Variants in USP32 observed in about 807,000 individuals in gnomAD.
The protein encoded by USP32 is ubiquitin carboxyl-terminal hydrolase 32.
Under a neutral mutation model 204.8 loss-of-function variants are expected in USP32, and 59 were observed. The observed-to-expected ratio is 0.29, with a 90% CI of 0.23 to 0.36. The LOEUF (loss-of-function observed/expected upper bound fraction) is 0.36, where lower values mean the gene tolerates loss of function less well. Ranked by LOEUF, USP32 falls within the 10% of genes least tolerant of loss-of-function variation. USP32 has a pLI of 1.00. For synonymous variants in USP32, 517 were observed against 678.4 expected, an observed-to-expected ratio of 0.76 and a Z score of 3.70; for missense variants, 1,160 against 1,946.4, an observed-to-expected ratio of 0.60 and a Z score of 7.60.
chr17:60,417,609 ACACC>A (rs2090072435), intron 1 of USP32, among the ~76,000 whole-genome samples: 1 of 150,716 alleles, frequency 6.6e-6, no homozygotes, highest in Non-Finnish European at 1.5e-5. Context: ...GCCTGCCACC[ACACC>A]CAGCTAATTT....
intron 1 of USP32, among the ~76,000 whole-genome samples, chr17:60,349,596 A>AAATATATATATATATATAT (rs1555618242): frequency 3.1e-5 from 2 of 65,178 alleles, no homozygotes; most frequent in Non-Finnish European, 5.0e-5. Context: ...AAAAAAAAAA[A>AAATATATATATATATATAT]ATATATATAT....
intron 9 of USP32, among the ~76,000 whole-genome samples, 154 bp from the exon 10 acceptor site, chr17:60,255,412 C>A (rs983757926): frequency 6.6e-6 from 1 of 151,654 alleles, no homozygotes; most frequent in African/African-American, 2.4e-5. Context: ...ATTCTCCTGC[C>A]TCAGTCTCCC....
intron 11 of USP32, among the ~76,000 whole-genome samples, chr17:60,246,848 T>C (rs769781914): frequency 8.5e-5 from 13 of 152,222 alleles, no homozygotes; most frequent in Admixed American, 2.0e-4. Flanking sequence ...TTGAGCAATG[T>C]CTATTCAGAT....
At chr17:60,300,441 A>G (rs1567838559) in intron 3 of USP32, among the ~76,000 whole-genome samples, 1 of 152,222 alleles carries the variant, frequency 6.6e-6, no homozygotes, top group South Asian at 2.1e-4. Flanking sequence ...GTGTCCTCTC[A>G]TTATAGCATT....
intron 1 of USP32, among the ~76,000 whole-genome samples, chr17:60,345,830 A>G (rs2088773581): frequency 6.6e-6 from 1 of 152,066 alleles, no homozygotes; most frequent in Admixed American, 6.6e-5. Context: ...AAAAAAACAA[A>G]AATTAGCTGG....
At chr17:60,291,535 G>GTC (rs2087275382) in intron 4 of USP32, among the ~76,000 whole-genome samples, 1 of 131,328 alleles carries the variant, frequency 7.6e-6, no homozygotes, top group South Asian at 2.4e-4. Context: ...CTCTGTGTGT[G>GTC]TATGTGTGTG....
chr17:60,281,983 TTAATTTGGGGTTATTTCTCTTACAAGAAA>T (rs1400430693), intron 5 of USP32, among the ~76,000 whole-genome samples: 1 of 152,226 alleles, frequency 6.6e-6, no homozygotes, highest in African/African-American at 2.4e-5. Context: ...TGACTTGTTT[TTAATTTGGGGTTATTTCTCTTACAAGAAA>T]TAAGGATAGG....
At chr17:60,419,338 G>A (rs1383962395) in intron 1 of USP32, among the ~76,000 whole-genome samples, 1 of 152,152 alleles carries the variant, frequency 6.6e-6, no homozygotes, top group Non-Finnish European at 1.5e-5. Flanking sequence ...ACGTAGAGGG[G>A]AACAACACAC....
intron 1 of USP32, among the ~76,000 whole-genome samples, chr17:60,353,488 C>T (rs939936345): frequency 6.6e-6 from 1 of 152,136 alleles, no homozygotes; most frequent in Non-Finnish European, 1.5e-5. Context: ...CACCTGTAAT[C>T]CCAGCACTTT....
At chr17:60,245,500 T>C in intron 11 of USP32, 1 of 342,070 alleles carries the variant, frequency 2.9e-6, no homozygotes. Flanking sequence ...TTTTTGTTGC[T>C]GAACCTTCTA....
chr17:60,381,918 C>T (rs533751217), intron 1 of USP32, among the ~76,000 whole-genome samples: 2 of 152,328 alleles, frequency 1.3e-5, no homozygotes, highest in South Asian at 4.1e-4. Flanking sequence ...ATTCTGTCAC[C>T]ATAAATTAGT....
In USP32 at chr17:60,207,852, C is replaced by A. The variant is rs867069397; in HGVS notation, c.2925+207G>T. 3.2e-5 allele frequency: 23 copies of A among 727,126 alleles called. 1 individual carries two copies. Among genetic ancestry groups the A allele is most frequent in the South Asian group, 2.5e-4 (9 of 35,658 alleles). 45.0% of individuals were successfully genotyped at this position (727,126 alleles called of 1,614,324 possible). On this transcript the variant is annotated intron_variant, in intron 24 of 33. Transcript: ENST00000300896. ...TACGTATTTCCCTTCTTCAAAAATACCACCATCAGTATTATCCCTTTATTC... is the reference window on the plus strand; with the variant it reads ...TACGTATTTCCCTTCTTCAAAAATAACACCATCAGTATTATCCCTTTATTC...
intron 13 of USP32, 48 bp downstream of exon 13, chr17:60,225,991 T>C: frequency 3.7e-6 from 5 of 1,361,552 alleles, no homozygotes; most frequent in Non-Finnish European, 5.0e-6. Flanking sequence ...GAAAGACCTA[T>C]CCAGGGGGAA....
At chr17:60,387,496 A>G (rs1468576005) in intron 1 of USP32, among the ~76,000 whole-genome samples, 2 of 152,230 alleles carry the variant, frequency 1.3e-5, no homozygotes, top group African/African-American at 4.8e-5. Flanking sequence ...TTTCTCCTAT[A>G]GCACTGCAGC....
Position 60,181,737 on chromosome 17 carries a change from A to G in USP32, c.4135T>C (p.Ser1379Pro), listed in dbSNP as rs2084117758. 1.2e-6 allele frequency: 2 copies of G among 1,607,176 alleles called. No homozygotes were observed. Among genetic ancestry groups the G allele is most frequent in the African/African-American group, 1.3e-5 (1 of 74,586 alleles). The change falls in exon 32 of 34, where the codon TCA becomes CCA. Residue 1379 changes from serine to proline, a missense_variant. Physicochemically the swap from Ser to Pro is moderately conservative, Grantham distance 74. Around this residue, in one of 8 missense-constraint regions of USP32, gnomAD observed 244 missense variants for 342.3 expected, o/e 0.71. Transcript: ENST00000300896. ...IISSPKGSPS[S>P]SRKSGTSCPS... The stretch of plus-strand genomic sequence containing the variant: ...CAGCTGGTTCCACTTTTTCTTGATG[A>G]AGAAGGAGAACCTGTGAACAGGACA...
chr17:60,310,643 G>A (rs183293278), intron 2 of USP32, among the ~76,000 whole-genome samples: 2 of 152,164 alleles, frequency 1.3e-5, no homozygotes, highest in East Asian at 1.9e-4. Flanking sequence ...AGGTTGCAGT[G>A]AGCCAAGATC....
intron 4 of USP32, among the ~76,000 whole-genome samples, chr17:60,289,648 C>T (rs568415577): frequency 2.0e-5 from 3 of 152,264 alleles, no homozygotes; most frequent in Non-Finnish European, 2.9e-5. Flanking sequence ...TGGTTGTTCA[C>T]GCCAATCCCT....
chr17:60,182,348 A>G (rs2084132567), intron 31 of USP32, among the ~76,000 whole-genome samples: 1 of 152,266 alleles, frequency 6.6e-6, no homozygotes, highest in Non-Finnish European at 1.5e-5. Flanking sequence ...AGTACAATAC[A>G]TTAGCACAGA....
chr17:60,411,448 C>T (rs1465040548), intron 1 of USP32, among the ~76,000 whole-genome samples: 1 of 135,104 alleles, frequency 7.4e-6, no homozygotes, highest in East Asian at 2.1e-4. Flanking sequence ...GGAGTCAAGG[C>T]TTCAGTTTGA....
Sources: gnomAD v4.1 joint callset for allele counts (sites outside exome capture counted in the v4.1 genomes callset) on GRCh38, gnomAD v4.1.1 for gene constraint, gnomAD v4.1.1 regional missense constraint, MANE v1.5 for transcripts, NCBI Gene and HGNC (gene_info 2026-07-23, HGNC 2026-07-21) for gene names.